The following ZNF131 variants were observed in gnomAD, a reference collection of about 807,000 sequenced individuals.
The protein encoded by ZNF131 is zinc finger and BTB domain containing 35.
A neutral mutation model predicts 60.0 loss-of-function variants in ZNF131; 7 were observed. The observed-to-expected ratio is 0.12, with a 90% CI of 0.07 to 0.22. The LOEUF is 0.22. Ranked by LOEUF, ZNF131 falls within the 10% of genes least tolerant of loss-of-function variation. The pLI, the probability that ZNF131 is intolerant of heterozygous loss-of-function variation, is 1.00. For missense variants in ZNF131, 493 were observed against 740.9 expected (o/e 0.67, Z 3.88); for synonymous variants, 257 against 253.2 (o/e 1.01, Z -0.14).
At chr5:43,140,105 A>G in intron 4 of ZNF131, among the ~76,000 whole-genome samples, 1 of 89,750 alleles carries the variant, frequency 1.1e-5, no homozygotes, top group South Asian at 5.3e-4. Flanking sequence ...GGTCCCAGCT[A>G]CTCAGGAGCT....
At position 43,173,353 on chromosome 5, in the gene ZNF131, C is replaced by T. The variant is rs1475749587; in HGVS notation, c.1090C>T (p.Arg364Ter). 1 of 1,611,540 alleles carries T rather than the reference C, an allele frequency of 6.2e-7. No homozygotes were observed. The change falls in exon 6 of 7, where the codon CGA becomes TGA. Residue 364 changes from arginine (R) to a stop codon, truncating the protein, a stop_gained. Coordinates refer to ENST00000682664, the MANE Select transcript of ZNF131 (RefSeq NM_001330707.2). LOFTEE classifies it high-confidence loss of function. ...KPFECPNCHE[R>*]FARNSTLKCH... ...TTTTGAATGTCCAAATTGTCATGAA[C>T]GATTTGCTAGAAATAGCACTCTGAA...
intron 4 of ZNF131, among the ~76,000 whole-genome samples, chr5:43,160,970 T>TG (rs1365264925): frequency 2.6e-5 from 4 of 152,272 alleles, no homozygotes; most frequent in South Asian, 2.1e-4. Flanking sequence ...CATGAGCCAC[T>TG]GCACCTGACT....
In ZNF131 at chr5:43,139,295, A is replaced by G; in HGVS notation, c.357A>G (p.Lys119=). 1 of 1,606,440 alleles carries G rather than the reference A, an allele frequency of 6.2e-7. No individual in the cohort carries two copies. Among genetic ancestry groups the G allele is most frequent in the Non-Finnish European group, 8.5e-7 (1 of 1,177,304 alleles). ...AEFLQMLEAI[K]ALEVRNKENS... is the part of the protein sequence containing the mutation. ...TTCTACAAATGCTAGAAGCTATCAAAGCCCTTGAAGTCAGGTACTTAATTT... is the reference window on the plus strand; with the variant it reads ...TTCTACAAATGCTAGAAGCTATCAAGGCCCTTGAAGTCAGGTACTTAATTT... The change falls in exon 4 of 7, where the codon AAA becomes AAG. Residue 119 remains lysine (K), a synonymous_variant. Transcript: ENST00000682664.
chr5:43,127,673 A>AACC (rs1173423237), intron 3 of ZNF131, among the ~76,000 whole-genome samples: 3 of 152,234 alleles, frequency 2.0e-5, no homozygotes, highest in Non-Finnish European at 4.4e-5. Context: ...TTCCTGGTTA[A>AACC]AGTAAGTTAC....
At chr5:43,168,219 T>G (rs1750594345) in intron 5 of ZNF131, among the ~76,000 whole-genome samples, 1 of 152,234 alleles carries the variant, frequency 6.6e-6, no homozygotes, top group Non-Finnish European at 1.5e-5. Context: ...GGGGTTTCGG[T>G]ATTAACCTGA....
intron 4 of ZNF131, among the ~76,000 whole-genome samples, chr5:43,144,159 T>C (rs1392652074): frequency 1.3e-5 from 2 of 150,406 alleles, no homozygotes; most frequent in African/African-American, 4.9e-5. Flanking sequence ...CCTGACCTCG[T>C]GATCCACTTG....
chr5:43,122,240 A>G lies in ZNF131; in HGVS notation c.124+63A>G, dbSNP rs925821579. On this transcript the variant is annotated intron_variant, in intron 2 of 6. Transcript: ENST00000682664. ...TTCAGTTTTTTTCTGTCCTTCGGAC[A>G]CCCGCCTTTTTTTTTTTTTTTTTTT... 3.7e-6 allele frequency: 5 copies of G among 1,334,122 alleles called. No homozygotes were observed. The Admixed American group carries it at 9.4e-5, about 25-fold the overall frequency. The allele number at this position is 1,334,122 out of a possible 1,614,324, so 82.6% of individuals were successfully genotyped here.
At chr5:43,149,580 T>C (rs1167368531) in intron 4 of ZNF131, among the ~76,000 whole-genome samples, 1 of 152,232 alleles carries the variant, frequency 6.6e-6, no homozygotes, top group Non-Finnish European at 1.5e-5. Flanking sequence ...GCTTGTATGG[T>C]AAGTATATGT....
chr5:43,135,188 G>A (rs2112216889), intron 3 of ZNF131, among the ~76,000 whole-genome samples: 1 of 150,006 alleles, frequency 6.7e-6, no homozygotes, highest in Non-Finnish European at 1.5e-5. Context: ...AGTAGAGACG[G>A]GGTTTCTCCA....
intron 4 of ZNF131, among the ~76,000 whole-genome samples, chr5:43,158,931 A>G (rs34992478): frequency 0.097 from 14,767 of 152,040 alleles, 851 homozygotes; most frequent in East Asian, 0.19. Context: ...CAAGCCTACA[A>G]GTTTTCCTGC....
intron 3 of ZNF131, among the ~76,000 whole-genome samples, chr5:43,132,730 C>T (rs1235422714): frequency 6.6e-6 from 1 of 152,020 alleles, no homozygotes; most frequent in Non-Finnish European, 1.5e-5. Context: ...CCAGGGTGGT[C>T]TCGAACTCCT....
intron 4 of ZNF131, among the ~76,000 whole-genome samples, chr5:43,148,043 CTTTT>C (rs55979930): frequency 8.1e-5 from 10 of 123,788 alleles, no homozygotes; most frequent in Non-Finnish European, 1.3e-4. Context: ...GACAAGAGTG[CTTTT>C]TTTTTTTTTT....
intron 3 of ZNF131, among the ~76,000 whole-genome samples, chr5:43,134,044 C>T (rs75098904): frequency 6.6e-6 from 1 of 152,138 alleles, no homozygotes; most frequent in African/African-American, 2.4e-5. Context: ...GCCAGCATTA[C>T]CCCAGTACCA....
chr5:43,160,193 A>AC (rs1749498213), intron 4 of ZNF131, among the ~76,000 whole-genome samples: 1 of 148,432 alleles, frequency 6.7e-6, no homozygotes, highest in Non-Finnish European at 1.5e-5. Context: ...CAAAACAAAA[A>AC]AAAAAACAAA....
chr5:43,142,736 G>A (rs994319631), intron 4 of ZNF131, among the ~76,000 whole-genome samples: 4 of 148,752 alleles, frequency 2.7e-5, no homozygotes, highest in Non-Finnish European at 4.4e-5. Context: ...TTGTCACCCA[G>A]GCTGGAGTGC....
At chr5:43,156,854 T>C (rs915561451) in intron 4 of ZNF131, among the ~76,000 whole-genome samples, 6 of 151,942 alleles carry the variant, frequency 3.9e-5, no homozygotes, top group Non-Finnish European at 8.8e-5. Flanking sequence ...CTGAGCAACA[T>C]AGTGAGACCT....
intron 4 of ZNF131, among the ~76,000 whole-genome samples, chr5:43,160,678 C>CTTTTTTTTTTTTTTTTTTTT (rs71608692): frequency 4.3e-5 from 4 of 93,032 alleles, no homozygotes; most frequent in African/African-American, 1.2e-4. Flanking sequence ...TAGCTTGGAA[C>CTTTTTTTTTTTTTTTTTTTT]TTTTTTTTTT....
Position 43,174,856 on chromosome 5 carries a change from C to T in ZNF131, c.1595C>T (p.Thr532Ile). Residue 532 changes from threonine to isoleucine, a missense_variant, in exon 7 of 7, where the codon ACT (threonine) becomes ATT (isoleucine). This residue lies in a region of ZNF131 where 202 missense variants were observed against 221.3 expected (regional missense o/e 0.91). Transcript: ENST00000682664. Reference sequence around the variant, plus strand: ...TATCTAGAAGTGGGCCGAATTCAGACTGAAGAAGGTACTGAAGTACATGTA... The same window carrying T: ...TATCTAGAAGTGGGCCGAATTCAGATTGAAGAAGGTACTGAAGTACATGTA... ...VSYLEVGRIQTEEGTEVHVEE... is the reference protein window; with the variant it reads ...VSYLEVGRIQIEEGTEVHVEE... The T allele has an allele frequency of 3.1e-6, 5 of 1,614,128 alleles. No homozygotes were observed. Among genetic ancestry groups the T allele is most frequent in the East Asian group, 2.2e-5 (1 of 44,882 alleles).
chr5:43,140,967 T>C (rs1164905961), intron 4 of ZNF131, among the ~76,000 whole-genome samples: 1 of 152,104 alleles, frequency 6.6e-6, no homozygotes, highest in African/African-American at 2.4e-5. Flanking sequence ...GATCCGCCTG[T>C]CTCAGCCTCC....
Sources: gnomAD v4.1 joint callset for allele counts (sites outside exome capture counted in the v4.1 genomes callset) on GRCh38, gnomAD v4.1.1 for gene constraint, gnomAD v4.1.1 regional missense constraint, MANE v1.5 for transcripts, NCBI Gene and HGNC (gene_info 2026-07-23, HGNC 2026-07-21) for gene names.